The following COL25A1 variants were observed in gnomAD, a reference collection of about 807,000 sequenced individuals.
The protein encoded by COL25A1 is collagen alpha-1(XXV) chain.
A neutral mutation model predicts 128.4 loss-of-function variants in COL25A1; 103 were observed. That is an observed-to-expected ratio of 0.80 (90% CI 0.68 to 0.94). COL25A1 has a LOEUF of 0.94. COL25A1 is among the 40% of genes least tolerant of loss of function. COL25A1 has a pLI of 0.00. For synonymous variants in COL25A1, 279 were observed against 277.2 expected (o/e 1.01, Z -0.06); for missense variants, 745 against 840.0 (o/e 0.89, Z 1.40).
At chr4:109,097,327 G>C (rs536560182) in intron 3 of COL25A1, among the ~76,000 whole-genome samples, 2 of 151,790 alleles carry the variant, frequency 1.3e-5, no homozygotes, top group Admixed American at 6.6e-5. Context: ...TTATCTGGCC[G>C]AGTATGGTGG....
At position 109,201,281 on chromosome 4, in the gene COL25A1, A is replaced by G. The variant is rs78687014; in HGVS notation, c.367+99302T>C. 8.5e-3 allele frequency among the ~76,000 whole-genome samples: 1,292 copies of G among 152,326 alleles called. 58 individuals are homozygous for G. The South Asian group carries it at 0.14, about 16-fold the overall frequency. On this transcript the variant is annotated intron_variant, in intron 3 of 37. Transcript: ENST00000399132. Reference sequence around the variant, plus strand: ...ATCAAATCCAATAATATATTAAAAGAATTATACTCCACAACCAAGTGGGAT... The same window carrying G: ...ATCAAATCCAATAATATATTAAAAGGATTATACTCCACAACCAAGTGGGAT...
chr4:108,997,546 CAA>C (rs1215463009), intron 6 of COL25A1, among the ~76,000 whole-genome samples: 1 of 152,134 alleles, frequency 6.6e-6, no homozygotes, highest in Non-Finnish European at 1.5e-5. Flanking sequence ...ACCAGAGGTA[CAA>C]AGAGGAGCTG....
At chr4:109,211,290 CTATATATATATATATATATATATATATA>C (rs753994624) in intron 3 of COL25A1, among the ~76,000 whole-genome samples, 4 of 102,528 alleles carry the variant, frequency 3.9e-5, no homozygotes, top group African/African-American at 1.1e-4. Context: ...ATATATGAAA[CTATATATATATATATATATATATATATA>C]TATATATATA....
chr4:109,027,768 G>T (rs1233533010), intron 5 of COL25A1, among the ~76,000 whole-genome samples: 1 of 151,990 alleles, frequency 6.6e-6, no homozygotes, highest in Non-Finnish European at 1.5e-5. Flanking sequence ...AGTAAAAAAT[G>T]ACTCCAAAGG....
intron 3 of COL25A1, among the ~76,000 whole-genome samples, chr4:109,121,840 T>C (rs547602135): frequency 6.6e-6 from 1 of 152,246 alleles, no homozygotes; most frequent in East Asian, 1.9e-4. Flanking sequence ...TAAAACAGCA[T>C]TATTCATAAT....
At chr4:108,822,043 A>ATTTTTTTTTTTTT (rs10567518) in intron 35 of COL25A1, among the ~76,000 whole-genome samples, 8,823 of 87,844 alleles carry the variant, frequency 0.1, 1,305 homozygotes, top group Non-Finnish European at 0.11. Flanking sequence ...CCTAATGGTA[A>ATTTTTTTTTTTTT]TTTTTTTTTT....
At chr4:109,218,371 T>G (rs916848906) in intron 3 of COL25A1, among the ~76,000 whole-genome samples, 4 of 140,242 alleles carry the variant, frequency 2.9e-5, no homozygotes, top group Admixed American at 7.4e-5. Context: ...TTTTTTTTTT[T>G]TTTTTTTTTT....
chr4:108,840,272 A>G (rs1734294733), intron 31 of COL25A1, among the ~76,000 whole-genome samples: 1 of 149,726 alleles, frequency 6.7e-6, no homozygotes, highest in South Asian at 2.1e-4. Flanking sequence ...ATCCATGAGT[A>G]GGAAGCATTG....
At chr4:108,844,953 T>G (rs1397089459) in intron 29 of COL25A1, among the ~76,000 whole-genome samples, 1 of 152,194 alleles carries the variant, frequency 6.6e-6, no homozygotes, top group East Asian at 1.9e-4. Flanking sequence ...AAACCATTGA[T>G]TTTTTTCCTC....
intron 8 of COL25A1, among the ~76,000 whole-genome samples, chr4:108,955,948 A>G (rs78365414): frequency 0.044 from 6,627 of 152,262 alleles, 369 homozygotes; most frequent in African/African-American, 0.13. Flanking sequence ...TGTTTTAGCC[A>G]AATAAACAGC....
intron 5 of COL25A1, among the ~76,000 whole-genome samples, chr4:109,026,457 T>C (rs956565786): frequency 2.0e-5 from 3 of 152,112 alleles, no homozygotes; most frequent in Non-Finnish European, 4.4e-5. Context: ...ATAAGCTCCG[T>C]AGATGGCAAG....
At chr4:109,056,185 C>A (rs531719243) in intron 3 of COL25A1, among the ~76,000 whole-genome samples, 30 of 152,134 alleles carry the variant, frequency 2.0e-4, no homozygotes, top group Admixed American at 7.2e-4. Flanking sequence ...TTATTTTTAA[C>A]AATAGAAAAG....
chr4:109,288,962 TACAC>T (rs3079876), intron 3 of COL25A1, among the ~76,000 whole-genome samples: 16,352 of 133,146 alleles, frequency 0.12, 1,351 homozygotes, highest in African/African-American at 0.24. Flanking sequence ...AAATTATATA[TACAC>T]ACACACACAC....
At chr4:108,887,299 C>A (rs990036573) in intron 18 of COL25A1, among the ~76,000 whole-genome samples, 3 of 152,152 alleles carry the variant, frequency 2.0e-5, no homozygotes, top group Non-Finnish European at 4.4e-5. Flanking sequence ...CAATGAACCC[C>A]CAGCATGGTT....
At chr4:108,936,800 AATATAT>A (rs138668509) in intron 11 of COL25A1, among the ~76,000 whole-genome samples, 5,268 of 134,720 alleles carry the variant, frequency 0.039, 179 homozygotes, top group African/African-American at 0.071. Flanking sequence ...CTGTTTCTTA[AATATAT>A]ATATATATAT....
intron 8 of COL25A1, among the ~76,000 whole-genome samples, chr4:108,957,110 T>A (rs560437925): frequency 5.3e-5 from 8 of 152,270 alleles, no homozygotes; most frequent in African/African-American, 1.9e-4. Context: ...CATACACAGG[T>A]AGGTTTTATC....
chr4:108,859,723 C>G lies in COL25A1; in HGVS notation c.1253G>C (p.Gly418Ala), dbSNP rs1477257963. 1 of 1,613,688 alleles carries G rather than the reference C, an allele frequency of 6.2e-7. No individual in the cohort carries two copies. ...SGAQGPRGPPGQKGDQGATEI... is the reference protein window; with the variant it reads ...SGAQGPRGPPAQKGDQGATEI... ...AGTGGCTCCTTGATCCCCTTTTTGA[C>G]CAGGTGGACCCTATGACAAAACCAA... Residue 418 changes from glycine (G) to alanine (A), a missense_variant, in exon 24 of 38, where the codon GGT (glycine) becomes GCT (alanine). Transcript: ENST00000399132.
At chr4:108,944,616 G>C (rs1200162717) in intron 8 of COL25A1, among the ~76,000 whole-genome samples, 1 of 151,904 alleles carries the variant, frequency 6.6e-6, no homozygotes, top group Non-Finnish European at 1.5e-5. Context: ...TTTGAAATTT[G>C]AATGTGTAAA....
At chr4:108,884,064 T>A (rs1740461438) in intron 19 of COL25A1, 114 bp downstream of exon 19, 1 of 972,054 alleles carries the variant, frequency 1.0e-6, no homozygotes, top group Non-Finnish European at 1.6e-6. Context: ...GGCTGGAGAG[T>A]ACTTAGAGAA....
Sources: allele counts gnomAD v4.1 joint callset (sites outside exome capture counted in the v4.1 genomes callset), GRCh38; gene constraint gnomAD v4.1.1; transcripts MANE v1.5; gene names NCBI Gene and HGNC (gene_info 2026-07-23, HGNC 2026-07-21).